The following MYO5B variants were observed in gnomAD, a reference collection of about 807,000 sequenced individuals.
MYO5B encodes the protein myosin VB, also known as unconventional myosin-Vb.
A neutral mutation model predicts 229.3 loss-of-function variants in MYO5B; 143 were observed. The ratio of observed to expected loss-of-function variants is 0.62; its 90% CI spans 0.54 to 0.72. The LOEUF is 0.72. Among genes scored for constraint, MYO5B ranks in the 30% least tolerant of loss-of-function variants. MYO5B has a pLI of 0.00. For synonymous variants in MYO5B, 918 were observed against 885.2 expected, an observed-to-expected ratio of 1.04 and a Z score of -0.66; for missense variants, 2,321 against 2,331.0, an observed-to-expected ratio of 1.00 and a Z score of 0.09.
chr18:50,004,811 T>C (rs2026084048), intron 4 of MYO5B, among the ~76,000 whole-genome samples: 1 of 152,212 alleles, frequency 6.6e-6, no homozygotes, highest in Admixed American at 6.5e-5. Context: ...CACTATTCTG[T>C]AACAGCCTAC....
At chr18:49,988,205 C>T (rs2144306121) in intron 7 of MYO5B, among the ~76,000 whole-genome samples, 1 of 152,304 alleles carries the variant, frequency 6.6e-6, no homozygotes, top group Middle Eastern at 3.4e-3. Context: ...CAAATATTCA[C>T]TTAGAGCCCT....
At chr18:50,179,013 T>C (rs186895009) in intron 1 of MYO5B, among the ~76,000 whole-genome samples, 1 of 152,230 alleles carries the variant, frequency 6.6e-6, no homozygotes, top group Admixed American at 6.5e-5. Flanking sequence ...CCTAGAACAC[T>C]TTTAGAAGAG....
chr18:49,875,684 T>C lies in MYO5B; in HGVS notation c.3537+3A>G, dbSNP rs752047256. On this transcript the variant is annotated splice_donor_region_variant and intron_variant, in intron 26 of 39. Coordinates refer to ENST00000285039, the MANE Select transcript of MYO5B (RefSeq NM_001080467.3). ...ATAAGAGCACTGCAGCCCCTTCACG[T>C]ACCTGGACTTTCTTGCTGTCCTGCT... The C allele has an allele frequency of 1.9e-6, 3 of 1,613,994 alleles. No homozygotes were observed. Among genetic ancestry groups the C allele is most frequent in the African/African-American group, 2.7e-5 (2 of 74,916 alleles).
At chr18:50,047,650 T>C (rs939937454) in intron 2 of MYO5B, among the ~76,000 whole-genome samples, 141 of 152,250 alleles carry the variant, frequency 9.3e-4, no homozygotes, top group African/African-American at 2.9e-3. Flanking sequence ...CGTATGTTTA[T>C]TGCGGCACTA....
chr18:50,112,455 C>T (rs561614725), intron 1 of MYO5B, among the ~76,000 whole-genome samples: 67 of 152,334 alleles, frequency 4.4e-4, no homozygotes, highest in Non-Finnish European at 5.1e-4. Context: ...GAGCCACCCA[C>T]CCACCTGCCC....
rs981645073 is a variant in MYO5B at position 49,997,917 on chromosome 18, C to T, written c.612+3338G>A. ...GGTGCCATCCTTCCCTAGGATGGGG[C>T]AGAGCAATCAATCAGTAATCAGCTG... On this transcript the variant is annotated intron_variant, in intron 5 of 39. Coordinates refer to ENST00000285039, the MANE Select transcript of MYO5B (RefSeq NM_001080467.3). 2.6e-5 allele frequency among the ~76,000 whole-genome samples: 4 copies of T among 152,068 alleles called. No homozygotes were observed. The East Asian group carries it at 7.7e-4, about 29-fold the overall frequency.
At chr18:50,102,733 T>TAA (rs112311931) in intron 1 of MYO5B, among the ~76,000 whole-genome samples, 2,273 of 147,382 alleles carry the variant, frequency 0.015, 37 homozygotes, top group African/African-American at 0.049. Flanking sequence ...ACCAATGAAT[T>TAA]AAAAAAAAAA....
chr18:49,879,108 A>C lies in MYO5B; in HGVS notation c.3131-18T>G. On this transcript the variant is annotated intron_variant, in intron 23 of 39. Coordinates refer to ENST00000285039, the MANE Select transcript of MYO5B (RefSeq NM_001080467.3). ...AAATTCATCTGGAAAGCAACACGCTAAGCTGCAGTTTTTCTGGATGGATTC... is the reference window on the plus strand; with the variant it reads ...AAATTCATCTGGAAAGCAACACGCTCAGCTGCAGTTTTTCTGGATGGATTC... The C allele has an allele frequency of 1.9e-6, 3 of 1,614,012 alleles. No individual in the cohort carries two copies. Among genetic ancestry groups the C allele is most frequent in the Non-Finnish European group, 2.5e-6 (3 of 1,179,952 alleles).
intron 1 of MYO5B, among the ~76,000 whole-genome samples, chr18:50,170,957 C>T (rs4603663): frequency 0.95 from 119,873 of 126,128 alleles, 58,652 homozygotes; most frequent in South Asian, 1. Context: ...AAGTGAAGAG[C>T]TGCAAAATCC....
chr18:49,929,656 C>CA (rs1315922909), intron 16 of MYO5B, 58 bp from the exon 17 acceptor site: 13 of 1,437,950 alleles, frequency 9.0e-6, no homozygotes, highest in East Asian at 2.3e-5. Context: ...GCCACATTTG[C>CA]AAAAAAGAAA....
intron 1 of MYO5B, among the ~76,000 whole-genome samples, chr18:50,100,905 T>G (rs1236570072): frequency 6.6e-6 from 1 of 152,142 alleles, no homozygotes; most frequent in Non-Finnish European, 1.5e-5. Flanking sequence ...AACTCTGCTT[T>G]GGGAGGGACA....
intron 14 of MYO5B, among the ~76,000 whole-genome samples, chr18:49,942,092 T>C (rs2025320616): frequency 1.4e-5 from 2 of 146,918 alleles, no homozygotes; most frequent in Admixed American, 1.4e-4. Context: ...GGGGAAAGGA[T>C]TCCCTATTTA....
chr18:49,931,336 T>C (rs933075438), intron 16 of MYO5B, among the ~76,000 whole-genome samples: 2 of 152,170 alleles, frequency 1.3e-5, no homozygotes, highest in Non-Finnish European at 2.9e-5. Flanking sequence ...CTGTGCTCAC[T>C]GTGGCTTCAT....
intron 1 of MYO5B, among the ~76,000 whole-genome samples, chr18:50,162,182 A>G (rs1398981337): frequency 6.6e-6 from 1 of 152,232 alleles, no homozygotes; most frequent in Non-Finnish European, 1.5e-5. Context: ...GCATGGCCCA[A>G]ACTCAGTCTT....
chr18:49,943,173 A>C (rs1390399250), intron 14 of MYO5B, among the ~76,000 whole-genome samples: 1 of 138,884 alleles, frequency 7.2e-6, no homozygotes, highest in Non-Finnish European at 1.5e-5. Flanking sequence ...CAATGAGAAC[A>C]CATGGACACA....
chr18:49,879,786 T>G (rs2024566825), intron 23 of MYO5B, among the ~76,000 whole-genome samples: 2 of 152,200 alleles, frequency 1.3e-5, no homozygotes, highest in South Asian at 4.1e-4. Context: ...ACATGGGGAC[T>G]GATGGCAGCC....
At chr18:50,115,032 T>C (rs184860282) in intron 1 of MYO5B, among the ~76,000 whole-genome samples, 17 of 152,338 alleles carry the variant, frequency 1.1e-4, no homozygotes, top group Admixed American at 1.1e-3. Context: ...GACAGCACCT[T>C]TCTGATTCCA....
At chr18:49,969,178 G>A (rs1468212493) in intron 10 of MYO5B, among the ~76,000 whole-genome samples, 3 of 152,212 alleles carry the variant, frequency 2.0e-5, no homozygotes, top group Admixed American at 1.3e-4. Context: ...ACTGTCACAG[G>A]CTGAAGGGTT....
chr18:49,948,020 C>T (rs2025393540), intron 14 of MYO5B, among the ~76,000 whole-genome samples: 1 of 151,926 alleles, frequency 6.6e-6, no homozygotes, highest in Non-Finnish European at 1.5e-5. Context: ...ACGTAACAAA[C>T]CTGCACGTTG....
Sources: allele counts gnomAD v4.1 joint callset (sites outside exome capture counted in the v4.1 genomes callset), GRCh38; gene constraint gnomAD v4.1.1; transcripts MANE v1.5; gene names NCBI Gene and HGNC (gene_info 2026-07-23, HGNC 2026-07-21).